ZFHX3: variants seen among roughly 807,000 people sequenced by gnomAD.
ZFHX3 encodes zinc finger homeobox 3.
A neutral mutation model predicts 279.1 loss-of-function variants in ZFHX3; 42 were observed. That is an observed-to-expected ratio of 0.15 (90% confidence interval 0.12 to 0.19). The LOEUF (loss-of-function observed/expected upper bound fraction) is 0.19. ZFHX3 is among the 10% of genes least tolerant of loss of function. The pLI is 1.00. For synonymous variants in ZFHX3, 2,293 were observed against 1,957.8 expected, an observed-to-expected ratio of 1.17 and a Z score of -4.52; for missense variants, 4,981 against 4,754.0, an observed-to-expected ratio of 1.05 and a Z score of -1.40.
intron 2 of ZFHX3, among the ~76,000 whole-genome samples, chr16:73,467,974 T>C (rs1181218268): frequency 6.6e-6 from 1 of 152,240 alleles, no homozygotes; most frequent in Admixed American, 6.5e-5. Context: ...TAAAGGCTGA[T>C]GCAAGTCTTT....
At chr16:73,877,048 AAAC>A (rs977046061) in intron 1 of ZFHX3, among the ~76,000 whole-genome samples, 10 of 152,038 alleles carry the variant, frequency 6.6e-5, no homozygotes, top group South Asian at 2.1e-4. Context: ...CAAAAAAAAA[AAAC>A]AACAACAACA....
In ZFHX3 at chr16:73,748,005, T is replaced by C. The variant is rs543553665; in HGVS notation, c.-1607-67765A>G. Among the ~76,000 whole-genome samples the C allele has an allele frequency of 1.2e-4, 18 of 152,352 alleles. No homozygotes were observed. In the South Asian group the frequency reaches 3.5e-3, roughly 30 times the overall value. ...GTCAAATACCTCTTAGGGAGATTTCTGCCCTTTGTTTACAAATACTTTCAA... is the reference window on the plus strand; with the variant it reads ...GTCAAATACCTCTTAGGGAGATTTCCGCCCTTTGTTTACAAATACTTTCAA... On this transcript the variant is annotated intron_variant, in intron 1 of 17. Transcript: ENST00000641206.
chr16:73,155,019 C>A (rs982009900), intron 5 of ZFHX3, among the ~76,000 whole-genome samples: 1 of 151,548 alleles, frequency 6.6e-6, no homozygotes, highest in African/African-American at 2.4e-5. Flanking sequence ...ACTAAAAATA[C>A]AAAAATTAGC....
At chr16:73,333,447 T>C (rs1567453086) in intron 3 of ZFHX3, among the ~76,000 whole-genome samples, 4 of 152,014 alleles carry the variant, frequency 2.6e-5, no homozygotes, top group African/African-American at 7.2e-5. Flanking sequence ...GATACACAGA[T>C]ACATAGACAC....
At chr16:73,452,190 T>G (rs1399696262) in intron 3 of ZFHX3, among the ~76,000 whole-genome samples, 1 of 152,198 alleles carries the variant, frequency 6.6e-6, no homozygotes, top group Admixed American at 6.5e-5. Flanking sequence ...TGAACGTTTG[T>G]GCTGTAATTT....
intron 1 of ZFHX3, among the ~76,000 whole-genome samples, chr16:73,002,594 C>T (rs934722829): frequency 2.6e-5 from 4 of 152,058 alleles, no homozygotes; most frequent in African/African-American, 9.7e-5. Flanking sequence ...GTACCCAAGG[C>T]GATTGATTCC....
intron 3 of ZFHX3, among the ~76,000 whole-genome samples, chr16:72,947,679 A>G (rs1320078870): frequency 2.0e-5 from 3 of 151,528 alleles, no homozygotes; most frequent in Admixed American, 6.6e-5. Flanking sequence ...CTGGCTGATC[A>G]TGAATAATTT....
intron 1 of ZFHX3, chr16:72,973,567 T>G (rs1219793786): frequency 6.6e-6 from 1 of 152,238 alleles, no homozygotes; most frequent in Non-Finnish European, 1.5e-5. Context: ...AAGCTCAAGT[T>G]GTACTTGGCC....
At chr16:73,347,467 T>A (rs895298547) in intron 3 of ZFHX3, among the ~76,000 whole-genome samples, 4 of 152,200 alleles carry the variant, frequency 2.6e-5, no homozygotes, top group African/African-American at 7.2e-5. Context: ...TCCTCACCCA[T>A]AACCTCCTTG....
chr16:72,846,373 G>A (rs1465810569), intron 4 of ZFHX3, among the ~76,000 whole-genome samples: 1 of 152,258 alleles, frequency 6.6e-6, no homozygotes, highest in Non-Finnish European at 1.5e-5. Flanking sequence ...CCTGCTGGAA[G>A]AGCGCTGAGC....
intron 5 of ZFHX3, among the ~76,000 whole-genome samples, chr16:73,198,726 G>A (rs1305250633): frequency 2.6e-5 from 4 of 152,206 alleles, no homozygotes; most frequent in Non-Finnish European, 1.5e-5. Context: ...CATGTTGGAA[G>A]CGAAGGGCTT....
intron 1 of ZFHX3, among the ~76,000 whole-genome samples, chr16:73,732,589 T>C (rs1049943192): frequency 6.6e-6 from 1 of 152,252 alleles, no homozygotes; most frequent in East Asian, 1.9e-4. Flanking sequence ...CTAATAGACC[T>C]GTACTTTGTG....
intron 3 of ZFHX3, among the ~76,000 whole-genome samples, chr16:73,335,561 A>G (rs1178178517): frequency 6.6e-6 from 1 of 152,140 alleles, no homozygotes; most frequent in East Asian, 1.9e-4. Flanking sequence ...TCTGACAGCT[A>G]TTTCTACTGT....
intron 4 of ZFHX3, among the ~76,000 whole-genome samples, chr16:73,273,184 T>C (rs2014199668): frequency 6.6e-6 from 1 of 152,148 alleles, no homozygotes; most frequent in South Asian, 2.1e-4. Context: ...ATTCTTGGGG[T>C]TCACCTGCTA....
At chr16:72,864,276 A>G (rs1359786481) in intron 4 of ZFHX3, among the ~76,000 whole-genome samples, 1 of 152,142 alleles carries the variant, frequency 6.6e-6, no homozygotes, top group Non-Finnish European at 1.5e-5. Context: ...AAGCTGCACA[A>G]GAGCTGGGGC....
At chr16:73,101,396 T>A (rs112455119) in intron 7 of ZFHX3, among the ~76,000 whole-genome samples, 4 of 152,236 alleles carry the variant, frequency 2.6e-5, no homozygotes, top group African/African-American at 9.6e-5. Flanking sequence ...GCTCCCCTTT[T>A]GAGATGGAGT....
intron 3 of ZFHX3, among the ~76,000 whole-genome samples, chr16:73,442,361 CTT>C (rs34507954): frequency 6.9e-6 from 1 of 144,802 alleles, no homozygotes. Flanking sequence ...CCCATTTCCT[CTT>C]TTTTTTTTTT....
In ZFHX3 at chr16:72,958,721, C is replaced by T. The variant is rs1567605755; in HGVS notation, c.1425G>A (p.Glu475=). 6.2e-7 allele frequency: 1 copy of T among 1,612,652 alleles called. No homozygotes were observed. The highest frequency in any genetic ancestry group is 8.5e-7 in the Non-Finnish European group (1 of 1,179,252). ...CTTCTTCCTCCTCCTCTTCTTCCTC[C>T]TCCTCCTCCGCCTCTTCCTCCTCCT... The part of the protein sequence containing the change: ...EEEEEEEAEE[E]EEEEEEEEEE... Residue 475 remains glutamate, a synonymous_variant, in exon 2 of 10, where the codon GAG becomes GAA. Transcript: ENST00000268489.
intron 1 of ZFHX3, among the ~76,000 whole-genome samples, chr16:72,971,824 C>T (rs924129010): frequency 1.3e-5 from 2 of 151,778 alleles, no homozygotes; most frequent in Admixed American, 6.6e-5. Flanking sequence ...TAAGACAGAA[C>T]CCATCTATGG....
Sources: gnomAD v4.1 joint callset for allele counts (sites outside exome capture counted in the v4.1 genomes callset) on GRCh38, gnomAD v4.1.1 for gene constraint, MANE v1.5 for transcripts, NCBI Gene and HGNC (gene_info 2026-07-23, HGNC 2026-07-21) for gene names.